Variants in RFX3 observed in about 807,000 individuals in gnomAD.
RFX3 encodes the protein regulatory factor X3.
In RFX3, 14 loss-of-function variants were observed where a neutral mutation model predicts 98.6. The observed-to-expected ratio is 0.14, with a 90% CI of 0.09 to 0.22. The LOEUF (loss-of-function observed/expected upper bound fraction) is 0.22. RFX3 is among the 10% of genes least tolerant of loss of function. The pLI is 1.00. For missense variants in RFX3, 639 were observed against 926.9 expected, an observed-to-expected ratio of 0.69 and a Z score of 4.03; for synonymous variants, 383 against 328.4, an observed-to-expected ratio of 1.17 and a Z score of -1.80.
At chr9:3,356,959 A>G (rs1315992385) in intron 2 of RFX3, among the ~76,000 whole-genome samples, 1 of 139,522 alleles carries the variant, frequency 7.2e-6, no homozygotes, top group African/African-American at 3.3e-5. Context: ...ACACATACAC[A>G]CATGCACACA....
intron 7 of RFX3, among the ~76,000 whole-genome samples, chr9:3,280,632 T>C (rs573627676): frequency 1.3e-5 from 2 of 151,816 alleles, no homozygotes; most frequent in Non-Finnish European, 2.9e-5. Context: ...CTGATTCTTC[T>C]TGGAAACAGT....
intron 4 of RFX3, among the ~76,000 whole-genome samples, chr9:3,322,172 G>C (rs1025937000): frequency 6.6e-6 from 1 of 152,078 alleles, no homozygotes; most frequent in African/African-American, 2.4e-5. Context: ...TATTATGATT[G>C]AGATTATGTT....
rs1234958120 is a variant in RFX3 at position 3,273,792 on chromosome 9, G to A, written c.1086+1708C>T. 3.3e-5 allele frequency among the ~76,000 whole-genome samples: 5 copies of A among 151,188 alleles called. 1 individual carries two copies. The East Asian group carries it at 9.7e-4, about 29-fold the overall frequency. On this transcript the variant is annotated intron_variant, in intron 9 of 16. Transcript: ENST00000617270. ...AGGCAGGAGAATCGCTTGAACCCAG[G>A]AGGCGGTGGTTGCAGTGAGCCGAGA...
chr9:3,273,676 C>T (rs1179167269), intron 9 of RFX3, among the ~76,000 whole-genome samples: 3 of 152,020 alleles, frequency 2.0e-5, no homozygotes, highest in Non-Finnish European at 4.4e-5. Flanking sequence ...CCAGCCTGGC[C>T]AACACAGTGA....
intron 1 of RFX3, among the ~76,000 whole-genome samples, chr9:3,450,569 T>C (rs1486899990): frequency 6.6e-6 from 1 of 152,192 alleles, no homozygotes; most frequent in African/African-American, 2.4e-5. Flanking sequence ...TATATAAATA[T>C]GAATTACATG....
chr9:3,524,618 C>G, intron 1 of RFX3: 1 of 984,370 alleles, frequency 1.0e-6, no homozygotes, highest in Non-Finnish European at 1.2e-6. Flanking sequence ...ACTGAGTTCT[C>G]ACAAAGCTTC....
intron 12 of RFX3, among the ~76,000 whole-genome samples, chr9:3,263,691 C>T (rs1367441666): frequency 3.3e-5 from 5 of 152,218 alleles, no homozygotes; most frequent in South Asian, 2.1e-4. Flanking sequence ...AAGGGCTATG[C>T]GGGAAATTTC....
intron 14 of RFX3, among the ~76,000 whole-genome samples, chr9:3,250,528 T>C (rs1488941854): frequency 6.6e-6 from 1 of 152,092 alleles, no homozygotes; most frequent in Non-Finnish European, 1.5e-5. Context: ...ATAAAACTTT[T>C]GTAGAGGGAA....
At chr9:3,490,852 G>C (rs1024723497) in intron 1 of RFX3, among the ~76,000 whole-genome samples, 1 of 151,966 alleles carries the variant, frequency 6.6e-6, no homozygotes, top group Admixed American at 6.6e-5. Flanking sequence ...TTCAAGGAAG[G>C]AGAATACACA....
At chr9:3,331,781 T>C (rs1832632144) in intron 3 of RFX3, among the ~76,000 whole-genome samples, 1 of 152,186 alleles carries the variant, frequency 6.6e-6, no homozygotes, top group South Asian at 2.1e-4. Context: ...CATAAAGTAC[T>C]GTATTACCAT....
rs536460766 is a variant in RFX3 at position 3,325,373 on chromosome 9, T to C, written c.474+4886A>G. 2.4e-3 allele frequency among the ~76,000 whole-genome samples: 363 copies of C among 152,148 alleles called. 3 individuals are homozygous for C. Among genetic ancestry groups the C allele is most frequent in the Admixed American group, 6.5e-3 (99 of 15,290 alleles). On this transcript the variant is annotated intron_variant, in intron 4 of 16. Coordinates refer to ENST00000617270, the MANE Select transcript of RFX3 (RefSeq NM_001282116.2). The stretch of plus-strand genomic sequence containing the variant: ...TTACTTATATAGCAGCAGATGGACT[T>C]TCAAATTTTCCTCCAAATAATTAAA...
intron 4 of RFX3, among the ~76,000 whole-genome samples, chr9:3,306,215 G>C (rs550473756): frequency 6.6e-6 from 1 of 152,134 alleles, no homozygotes; most frequent in South Asian, 2.1e-4. Flanking sequence ...TATCATCTGA[G>C]GAAATGCTCC....
intron 4 of RFX3, among the ~76,000 whole-genome samples, chr9:3,310,527 C>A (rs1563904096): frequency 2.6e-5 from 4 of 152,054 alleles, no homozygotes; most frequent in Non-Finnish European, 4.4e-5. Flanking sequence ...ATGGTAGAAA[C>A]TTTCTTTTCT....
intron 15 of RFX3, among the ~76,000 whole-genome samples, chr9:3,234,163 T>C (rs1818834654): frequency 6.6e-6 from 1 of 152,162 alleles, no homozygotes; most frequent in Non-Finnish European, 1.5e-5. Context: ...CAGCAAAATA[T>C]GAAAGTGTAT....
chr9:3,271,043 G>C lies in RFX3; in HGVS notation c.1162C>G (p.Pro388Ala). Residue 388 changes from proline to alanine, a missense_variant, in exon 10 of 17, where the codon CCC (proline) becomes GCC (alanine). Around this residue, in one of 9 missense-constraint regions of RFX3, gnomAD observed 30 missense variants for 23.0 expected, o/e 1.30. Transcript: ENST00000617270. ...KLWQTFWRYS[P>A]STPTDGTTIT... is the part of the protein sequence containing the mutation. ...GTAGTGCCATCAGTTGGAGTAGAGG[G>C]AGAATAGCGCCAGAATGTTTGCCAC... 6.2e-7 allele frequency: 1 copy of C among 1,613,748 alleles called. No homozygotes were observed.
chr9:3,372,528 T>C (rs1291504078), intron 2 of RFX3, among the ~76,000 whole-genome samples: 1 of 151,742 alleles, frequency 6.6e-6, no homozygotes, highest in African/African-American at 2.4e-5. Context: ...CTGCCATCTT[T>C]TTTTTCTTTC....
chr9:3,304,139 G>C (rs1296255243), intron 4 of RFX3, among the ~76,000 whole-genome samples: 1 of 151,884 alleles, frequency 6.6e-6, no homozygotes, highest in Non-Finnish European at 1.5e-5. Context: ...AAATCTTTAA[G>C]GCTTATTAAT....
chr9:3,235,175 C>A (rs561746716), intron 15 of RFX3, among the ~76,000 whole-genome samples: 1 of 152,312 alleles, frequency 6.6e-6, no homozygotes, highest in South Asian at 2.1e-4. Flanking sequence ...TCAGGTGGGG[C>A]AAGCTTCCCT....
chr9:3,500,484 G>C (rs1014183302), intron 1 of RFX3, among the ~76,000 whole-genome samples: 4 of 151,692 alleles, frequency 2.6e-5, no homozygotes, highest in Admixed American at 1.3e-4. Context: ...ATGCAACTCA[G>C]AAAAAAAAGT....
Sources: allele counts gnomAD v4.1 joint callset (sites outside exome capture counted in the v4.1 genomes callset), GRCh38; gene constraint gnomAD v4.1.1; regional missense constraint gnomAD v4.1.1; transcripts MANE v1.5; gene names NCBI Gene and HGNC (gene_info 2026-07-23, HGNC 2026-07-21).